Variants in ANAPC11 observed in about 807,000 individuals in gnomAD.
The protein encoded by ANAPC11 is anaphase-promoting complex subunit 11.
Under a neutral mutation model 11.8 loss-of-function variants are expected in ANAPC11, and 5 were observed. The observed-to-expected ratio is 0.42, with a 90% CI of 0.22 to 0.89. The LOEUF (loss-of-function observed/expected upper bound fraction) is 0.89. ANAPC11 is among the 40% of genes least tolerant of loss of function. ANAPC11 has a pLI of 0.28. For synonymous variants in ANAPC11, 45 were observed against 41.0 expected, an observed-to-expected ratio of 1.10 and a Z score of -0.38; for missense variants, 68 against 112.9, an observed-to-expected ratio of 0.60 and a Z score of 1.80.
At chr17:81,897,057 G>A (rs537800586) in intron 3 of ANAPC11, among the ~76,000 whole-genome samples, 25 of 152,232 alleles carry the variant, frequency 1.6e-4, no homozygotes, top group Admixed American at 7.2e-4. Context: ...CTGGAGTGCA[G>A]TGGCACGATC....
Position 81,900,136 on chromosome 17 carries a change from G to T in ANAPC11, c.*71G>T. On this transcript the variant is annotated 3_prime_UTR_variant, in exon 4 of 4. Coordinates refer to ENST00000344877, the MANE Select transcript of ANAPC11 (RefSeq NM_001002248.3). ...TCATGCTGGCGCCGATGGCTGCTGGGGACAGCGCCCCTGAGCTGCAACAAG... is the reference window on the plus strand; with the variant it reads ...TCATGCTGGCGCCGATGGCTGCTGGTGACAGCGCCCCTGAGCTGCAACAAG... The T allele has an allele frequency of 6.3e-7, 1 of 1,595,074 alleles. No individual in the cohort carries two copies.
upstream of ANAPC11, chr17:81,891,328 T>C: frequency 8.7e-7 from 1 of 1,155,636 alleles, no homozygotes. Flanking sequence ...CTCACCCTGC[T>C]GTAGGGCGCC....
chr17:81,899,078 G>A, intron 3 of ANAPC11: 1 of 747,604 alleles, frequency 1.3e-6, no homozygotes, highest in Non-Finnish European at 2.1e-6. Context: ...GTGGCCACGA[G>A]CTCCAGCTCC....
At position 81,894,614 on chromosome 17, in the gene ANAPC11, C is replaced by T. The variant is rs149073349; in HGVS notation, c.109+28C>T. On this transcript the variant is annotated intron_variant, in intron 3 of 3. Transcript: ENST00000344877. ...GAGTGTCCCCTCCATGCTGTCTGAG[C>T]GGCCCCGACTGTGAGTGTCCCCTCT... is the stretch of plus-strand genomic sequence containing the variant. 3.8e-3 allele frequency: 5,805 copies of T among 1,521,106 alleles called. 193 individuals are homozygous for T. In the African/African-American group the frequency reaches 0.071, roughly 19 times the overall value. The allele number at this position is 1,521,106 out of a possible 1,614,324, so 94.2% of individuals were successfully genotyped here.
chr17:81,895,115 C>T (rs1456816599), intron 3 of ANAPC11, among the ~76,000 whole-genome samples: 3 of 133,568 alleles, frequency 2.2e-5, no homozygotes, highest in African/African-American at 3.0e-5. Flanking sequence ...AGTGCAATGG[C>T]GCGATCTCGG....
At chr17:81,891,667 T>C, upstream of ANAPC11, 1 of 1,185,922 alleles carries the variant, frequency 8.4e-7, no homozygotes, top group Non-Finnish European at 1.1e-6. Flanking sequence ...GAGCGGCTGC[T>C]GATTGGCCGC....
chr17:81,899,378 G>A, intron 3 of ANAPC11: 1 of 1,613,900 alleles, frequency 6.2e-7, no homozygotes, highest in Non-Finnish European at 8.5e-7. Flanking sequence ...CCGGATCCCT[G>A]ATGTCTAGGG....
At position 81,900,223 on chromosome 17, in the gene ANAPC11, T is replaced by A; in HGVS notation, c.*158T>A. On this transcript the variant is annotated 3_prime_UTR_variant, in exon 4 of 4. Coordinates refer to ENST00000344877, the MANE Select transcript of ANAPC11 (RefSeq NM_001002248.3). ...TCACTATGTTGACACTTTTATCCAA[T>A]AAGTGAAAACTCATTAAACTACTCA... 8.2e-7 allele frequency: 1 copy of A among 1,219,168 alleles called. No individual in the cohort carries two copies. The highest frequency in any genetic ancestry group is 2.6e-5 in the Admixed American group (1 of 38,600). The allele number at this position is 1,219,168 out of a possible 1,614,324, so 75.5% of individuals were successfully genotyped here. A position where few individuals can be genotyped will look rare whatever the true frequency, so the allele number is the denominator to read the frequency against.
intron 3 of ANAPC11, among the ~76,000 whole-genome samples, chr17:81,896,565 G>C (rs573219079): frequency 5.3e-5 from 8 of 152,310 alleles, no homozygotes; most frequent in African/African-American, 1.4e-4. Flanking sequence ...AGGACAAGAA[G>C]AACTCCCCAG....
At chr17:81,890,802 T>C, upstream of ANAPC11, 1 of 1,613,922 alleles carries the variant, frequency 6.2e-7, no homozygotes, top group Non-Finnish European at 8.5e-7. Context: ...TGCTGCCACT[T>C]GTCGGGAAGT....
At chr17:81,899,297 G>T in intron 3 of ANAPC11, 1 of 1,613,220 alleles carries the variant, frequency 6.2e-7, no homozygotes. Context: ...CGCAGCCTGT[G>T]CCTGTCCTGG....
intron 3 of ANAPC11, chr17:81,899,536 C>T (rs1186412051): frequency 6.2e-7 from 1 of 1,612,648 alleles, no homozygotes; most frequent in Admixed American, 1.7e-5. Flanking sequence ...GGGCCCAGGG[C>T]CTGTAGGTCA....
chr17:81,899,044 G>A, intron 3 of ANAPC11: 2 of 620,068 alleles, frequency 3.2e-6, no homozygotes, highest in Non-Finnish European at 5.6e-6. Flanking sequence ...CATGCCGTGG[G>A]GCCGGCGCTG....
Position 81,894,605 on chromosome 17 carries a change from C to T in ANAPC11, c.109+19C>T, listed in dbSNP as rs775109484. ...CCTGACTGTGAGTGTCCCCTCCATGCTGTCTGAGCGGCCCCGACTGTGAGT... is the reference window on the plus strand; with the variant it reads ...CCTGACTGTGAGTGTCCCCTCCATGTTGTCTGAGCGGCCCCGACTGTGAGT... On this transcript the variant is annotated intron_variant, in intron 3 of 3. Coordinates refer to ENST00000344877, the MANE Select transcript of ANAPC11 (RefSeq NM_001002248.3). 2 of 1,565,334 alleles carry T rather than the reference C, an allele frequency of 1.3e-6. No homozygotes were observed. Among genetic ancestry groups the T allele is most frequent in the African/African-American group, 2.7e-5 (2 of 73,238 alleles).
At chr17:81,893,978 T>C (rs1296551879) in intron 2 of ANAPC11, among the ~76,000 whole-genome samples, 1 of 151,790 alleles carries the variant, frequency 6.6e-6, no homozygotes, top group African/African-American at 2.4e-5. Flanking sequence ...TTATTTGTTT[T>C]AATAGAAACG....
intron 1 of ANAPC11, among the ~76,000 whole-genome samples, chr17:81,892,427 C>G (rs1392281664): frequency 6.6e-6 from 1 of 151,872 alleles, no homozygotes; most frequent in Non-Finnish European, 1.5e-5. Context: ...CGTGGTGGCA[C>G]CACTGCACTC....
At chr17:81,899,111 G>GTGGGGC in intron 3 of ANAPC11, 1 of 1,017,936 alleles carries the variant, frequency 9.8e-7, no homozygotes, top group Non-Finnish European at 1.4e-6. Flanking sequence ...CGACCCTGCC[G>GTGGGGC]TGGGGCTGGG....
chr17:81,891,607 C>T (rs760262088), upstream of ANAPC11: 28 of 1,377,092 alleles, frequency 2.0e-5, no homozygotes, highest in Admixed American at 3.4e-4. Context: ...GTCAGCACGC[C>T]GGCACGTCAC....
At chr17:81,895,581 C>T (rs1260843159) in intron 3 of ANAPC11, among the ~76,000 whole-genome samples, 1 of 151,996 alleles carries the variant, frequency 6.6e-6, no homozygotes, top group Non-Finnish European at 1.5e-5. Context: ...GAGGCCGAGG[C>T]GGGCGGATCA....
Sources: allele counts gnomAD v4.1 joint callset (sites outside exome capture counted in the v4.1 genomes callset), GRCh38; gene constraint gnomAD v4.1.1; transcripts MANE v1.5; gene names NCBI Gene and HGNC (gene_info 2026-07-23, HGNC 2026-07-21).